Variants in RARB observed in about 807,000 individuals in gnomAD.
The protein encoded by RARB is retinoic acid receptor beta, also known as HBV-activated protein.
RARB carries 17 observed loss-of-function variants against 51.9 expected under a neutral mutation model. The ratio of observed to expected loss-of-function variants is 0.33; its 90% CI spans 0.22 to 0.49. RARB has a LOEUF of 0.49. Among genes scored for constraint, RARB ranks in the 20% least tolerant of loss-of-function variants. The probability of loss-of-function intolerance (pLI) is 0.99; values close to 1 mark genes in which losing one functional copy is unlikely to be tolerated. For synonymous variants in RARB, 215 were observed against 195.4 expected, an observed-to-expected ratio of 1.10 and a Z score of -0.84; for missense variants, 369 against 550.8, an observed-to-expected ratio of 0.67 and a Z score of 3.30.
intron 5 of RARB, among the ~76,000 whole-genome samples, chr3:25,297,024 A>C (rs1210015560): frequency 6.6e-6 from 1 of 152,172 alleles, no homozygotes; most frequent in Admixed American, 6.5e-5. Flanking sequence ...AGTGTCTGTG[A>C]AAGAGCTAAA....
At chr3:25,343,354 TAC>T (rs1475196813) in intron 5 of RARB, among the ~76,000 whole-genome samples, 1 of 152,142 alleles carries the variant, frequency 6.6e-6, no homozygotes, top group African/African-American at 2.4e-5. Flanking sequence ...ATTAAACACT[TAC>T]AGTTTTCTCC....
chr3:25,102,895 T>C (rs1485089048), intron 3 of RARB, among the ~76,000 whole-genome samples: 1 of 152,064 alleles, frequency 6.6e-6, no homozygotes, highest in Admixed American at 6.6e-5. Context: ...CTACTAAAAA[T>C]ACAAAATTAG....
chr3:25,242,034 G>C (rs1702444266), intron 5 of RARB, among the ~76,000 whole-genome samples: 2 of 152,276 alleles, frequency 1.3e-5, no homozygotes, highest in African/African-American at 4.8e-5. Flanking sequence ...TCTCATTGTG[G>C]TTTTGATTTG....
chr3:25,474,605 C>T (rs963481012), intron 2 of RARB, among the ~76,000 whole-genome samples: 1 of 152,124 alleles, frequency 6.6e-6, no homozygotes, highest in Non-Finnish European at 1.5e-5. Flanking sequence ...TACAGTTTGT[C>T]AATCTCATGA....
chr3:25,481,254 A>G (rs1696209114), intron 2 of RARB, among the ~76,000 whole-genome samples: 1 of 152,236 alleles, frequency 6.6e-6, no homozygotes, highest in Admixed American at 6.5e-5. Flanking sequence ...CAATGTATTT[A>G]AAAGTTTTTA....
chr3:24,856,651 C>G (rs1171994870), intron 1 of RARB, among the ~76,000 whole-genome samples: 1 of 152,142 alleles, frequency 6.6e-6, no homozygotes, highest in Non-Finnish European at 1.5e-5. Flanking sequence ...ATAAACCATT[C>G]CTCAACATGT....
intron 3 of RARB, among the ~76,000 whole-genome samples, chr3:25,075,406 C>G (rs1366069101): frequency 6.6e-6 from 1 of 152,124 alleles, no homozygotes; most frequent in African/African-American, 2.4e-5. Context: ...AGTAATTTAG[C>G]TGTCAGTCTG....
intron 3 of RARB, among the ~76,000 whole-genome samples, chr3:25,087,323 A>G (rs1320045952): frequency 6.6e-6 from 1 of 152,010 alleles, no homozygotes; most frequent in Non-Finnish European, 1.5e-5. Context: ...TTAGAATTTT[A>G]TTTTTTGATT....
intron 2 of RARB, among the ~76,000 whole-genome samples, chr3:24,936,894 C>G (rs1695558402): frequency 6.6e-6 from 1 of 152,124 alleles, no homozygotes; most frequent in Non-Finnish European, 1.5e-5. Flanking sequence ...ATTAAATGCT[C>G]TGGAGTGTGT....
intron 2 of RARB, among the ~76,000 whole-genome samples, chr3:24,890,009 G>C (rs919606764): frequency 6.6e-6 from 1 of 151,744 alleles, no homozygotes; most frequent in African/African-American, 2.4e-5. Context: ...ATTCTAATGC[G>C]ATCAGCAGTA....
chr3:25,235,371 A>T (rs1351822439), intron 5 of RARB, among the ~76,000 whole-genome samples: 1 of 152,106 alleles, frequency 6.6e-6, no homozygotes, highest in Non-Finnish European at 1.5e-5. Flanking sequence ...ATGCTTCTGG[A>T]AGTTGGGATT....
chr3:24,958,985 G>T (rs995397856), intron 2 of RARB, among the ~76,000 whole-genome samples: 1 of 152,230 alleles, frequency 6.6e-6, no homozygotes, highest in Non-Finnish European at 1.5e-5. Flanking sequence ...GGCAGGGCAA[G>T]TGCTTCTGAG....
chr3:24,894,584 ATG>A (rs1395444465), intron 2 of RARB, among the ~76,000 whole-genome samples: 1 of 152,094 alleles, frequency 6.6e-6, no homozygotes, highest in East Asian at 1.9e-4. Flanking sequence ...ATGTGAGTGC[ATG>A]TGTCTTTTTT....
At chr3:25,388,725 GA>G (rs1338184034) in intron 5 of RARB, among the ~76,000 whole-genome samples, 1 of 152,162 alleles carries the variant, frequency 6.6e-6, no homozygotes, top group African/African-American at 2.4e-5. Context: ...CTGTACAAGG[GA>G]AGCCTGCTGA....
intron 1 of RARB, chr3:24,833,015 G>T (rs893114002): frequency 3.3e-5 from 5 of 152,084 alleles, no homozygotes; most frequent in African/African-American, 1.2e-4. Flanking sequence ...CTTCTGGTGA[G>T]GCTTGTCTGC....
At chr3:25,381,591 G>T (rs930040522) in intron 5 of RARB, among the ~76,000 whole-genome samples, 2 of 152,212 alleles carry the variant, frequency 1.3e-5, no homozygotes, top group Admixed American at 1.3e-4. Context: ...GGTCACTCAA[G>T]TTGGCATCAC....
chr3:25,112,777 A>T (rs4858709), intron 3 of RARB, among the ~76,000 whole-genome samples: 2 of 151,754 alleles, frequency 1.3e-5, no homozygotes, highest in Non-Finnish European at 2.9e-5. Flanking sequence ...GACCCTGTCT[A>T]AAAAAGGGAA....
At chr3:25,065,466 A>G (rs935260472) in intron 3 of RARB, among the ~76,000 whole-genome samples, 1 of 152,330 alleles carries the variant, frequency 6.6e-6, no homozygotes, top group East Asian at 1.9e-4. Context: ...CACTGACTAT[A>G]GTTCTGATAG....
chr3:24,873,431 T>C (rs1049117681), intron 2 of RARB, among the ~76,000 whole-genome samples: 3 of 152,138 alleles, frequency 2.0e-5, no homozygotes, highest in South Asian at 2.1e-4. Context: ...ATACTTCTTA[T>C]CAGTTGTCTT....
Sources: gnomAD v4.1 joint callset for allele counts (sites outside exome capture counted in the v4.1 genomes callset) on GRCh38, gnomAD v4.1.1 for gene constraint, MANE v1.5 for transcripts, NCBI Gene and HGNC (gene_info 2026-07-23, HGNC 2026-07-21) for gene names.